The following PMS1 variants were observed in gnomAD, a reference collection of about 807,000 sequenced individuals.
The protein encoded by PMS1 is PMS1 homolog 1, mismatch repair system component.
A neutral mutation model predicts 93.1 loss-of-function variants in PMS1; 79 were observed. That is an observed-to-expected ratio of 0.85 (90% CI 0.71 to 1.02). The LOEUF is 1.02. PMS1 is among the 50% of genes least tolerant of loss of function. The probability of loss-of-function intolerance (pLI) is 0.00; values close to 1 mark genes in which losing one functional copy is unlikely to be tolerated. For synonymous variants in PMS1, 335 were observed against 363.4 expected (o/e 0.92, Z 0.89); for missense variants, 1,064 against 1,085.3 (o/e 0.98, Z 0.28).
At chr2:189,820,658 T>C (rs916042289) in intron 5 of PMS1, among the ~76,000 whole-genome samples, 1 of 152,178 alleles carries the variant, frequency 6.6e-6, no homozygotes, top group African/African-American at 2.4e-5. Context: ...TATAGTTTTT[T>C]CCCATGTTTC....
rs2054194769 is a variant in PMS1, at chr2:189,845,670, T to C, written c.699+1590T>C. ...TTCAGATATCTTTTTATAGGAATGATGGTTGGTTGCATTATTACTGGTATG... is the reference window on the plus strand; with the variant it reads ...TTCAGATATCTTTTTATAGGAATGACGGTTGGTTGCATTATTACTGGTATG... On this transcript the variant is annotated intron_variant, in intron 6 of 12. Coordinates refer to ENST00000441310, the MANE Select transcript of PMS1 (RefSeq NM_000534.5). 2.6e-5 allele frequency among the ~76,000 whole-genome samples: 4 copies of C among 152,260 alleles called. No homozygotes were observed. In the South Asian group the frequency reaches 8.3e-4, roughly 32 times the overall value.
At chr2:189,836,629 A>G (rs2053406904) in intron 5 of PMS1, among the ~76,000 whole-genome samples, 1 of 152,238 alleles carries the variant, frequency 6.6e-6, no homozygotes, top group Admixed American at 6.5e-5. Flanking sequence ...TCCTGTTTTG[A>G]AAATGAATCT....
chr2:189,843,591 G>A (rs2053995446), intron 5 of PMS1, among the ~76,000 whole-genome samples: 2 of 152,180 alleles, frequency 1.3e-5, no homozygotes, highest in Admixed American at 1.3e-4. Flanking sequence ...ATACACGGAA[G>A]TCTATGTTTT....
intron 3 of PMS1, among the ~76,000 whole-genome samples, chr2:189,803,568 C>T (rs909733093): frequency 1.3e-5 from 2 of 152,178 alleles, no homozygotes; most frequent in Admixed American, 1.3e-4. Flanking sequence ...GTTAGAGATG[C>T]TCCTGATGGT....
chr2:189,807,515 C>T (rs1265294083), intron 4 of PMS1, among the ~76,000 whole-genome samples: 2 of 152,164 alleles, frequency 1.3e-5, no homozygotes, highest in Non-Finnish European at 2.9e-5. Context: ...TTGAAGTAAT[C>T]TAGTCGCCTT....
intron 5 of PMS1, among the ~76,000 whole-genome samples, chr2:189,833,184 G>A (rs1419475299): frequency 6.6e-6 from 1 of 152,202 alleles, no homozygotes; most frequent in Non-Finnish European, 1.5e-5. Flanking sequence ...ATAGAATAGT[G>A]TTGACCTTTT....
At chr2:189,828,024 C>T (rs1017338873) in intron 5 of PMS1, among the ~76,000 whole-genome samples, 2 of 151,902 alleles carry the variant, frequency 1.3e-5, no homozygotes, top group Non-Finnish European at 2.9e-5. Context: ...CCCGGGTTCA[C>T]GCCATTCTCC....
At chr2:189,811,023 G>A (rs2050796153) in intron 4 of PMS1, among the ~76,000 whole-genome samples, 1 of 150,920 alleles carries the variant, frequency 6.6e-6, no homozygotes. Flanking sequence ...AAGAAAAGAT[G>A]GTCAAAACTG....
chr2:189,859,456 A>G (rs2055715199), intron 9 of PMS1, among the ~76,000 whole-genome samples: 1 of 152,146 alleles, frequency 6.6e-6, no homozygotes, highest in South Asian at 2.1e-4. Context: ...GTAGTTTCCA[A>G]TTCTGGGTAT....
chr2:189,795,190 A>G (rs1348833289), intron 2 of PMS1, among the ~76,000 whole-genome samples: 2 of 152,220 alleles, frequency 1.3e-5, no homozygotes, highest in Non-Finnish European at 2.9e-5. Flanking sequence ...CTGTTTGCAG[A>G]AAAAGATTTA....
intron 4 of PMS1, 99 bp downstream of exon 4, chr2:189,805,853 T>C (rs1559232646): frequency 6.4e-7 from 1 of 1,562,234 alleles, no homozygotes; most frequent in Non-Finnish European, 8.7e-7. Context: ...ATATATTGCT[T>C]TGGGCTTGGT....
At chr2:189,875,614 T>G (rs1167702429) in intron 12 of PMS1, among the ~76,000 whole-genome samples, 8 of 152,042 alleles carry the variant, frequency 5.3e-5, no homozygotes, top group African/African-American at 1.5e-4. Context: ...GGAAAGAGTA[T>G]GTTAAACATG....
chr2:189,855,045 A>G lies in PMS1; in HGVS notation c.1773A>G (p.Ile591Met), dbSNP rs954731798. The G allele has an allele frequency of 1.2e-6, 2 of 1,613,104 alleles. No individual in the cohort carries two copies. Among genetic ancestry groups the G allele is most frequent in the African/African-American group, 2.7e-5 (2 of 74,912 alleles). ...AAGATCATCGTCCTCAGTTTCTCAT[A>G]GAAAATCCTAAGACTAGTTTAGAGG... ...FVQDHRPQFL[I>M]ENPKTSLEDA... is the part of the protein sequence containing the mutation. The change falls in exon 9 of 13, where the codon ATA becomes ATG. Residue 591 changes from isoleucine (I) to methionine (M), a missense_variant. Coordinates refer to ENST00000441310, the MANE Select transcript of PMS1 (RefSeq NM_000534.5).
intron 6 of PMS1, among the ~76,000 whole-genome samples, chr2:189,850,921 G>C (rs1353277381): frequency 1.3e-5 from 2 of 152,148 alleles, no homozygotes; most frequent in Non-Finnish European, 2.9e-5. Flanking sequence ...GCGGACCATA[G>C]TTGAGAAGCA....
intron 5 of PMS1, among the ~76,000 whole-genome samples, chr2:189,827,652 G>A (rs2052556647): frequency 6.6e-6 from 1 of 152,008 alleles, no homozygotes; most frequent in Non-Finnish European, 1.5e-5. Context: ...ACAACAGAAT[G>A]CCATTTAGCC....
chr2:189,810,747 C>G lies in PMS1; in HGVS notation c.418+4993C>G, dbSNP rs1575102355. 5.3e-5 allele frequency among the ~76,000 whole-genome samples: 8 copies of G among 152,300 alleles called. 1 individual carries two copies. Among genetic ancestry groups the G allele is most frequent in the Admixed American group, 5.2e-4 (8 of 15,298 alleles). On this transcript the variant is annotated intron_variant, in intron 4 of 12. Coordinates refer to ENST00000441310, the MANE Select transcript of PMS1 (RefSeq NM_000534.5). ...TTTGAACTGGAACTAAAAGGTTCAA[C>G]TCAGATAAACTCCTAGTTAGATTGA...
intron 4 of PMS1, 41 bp downstream of exon 4, chr2:189,805,795 C>A: frequency 6.2e-7 from 1 of 1,609,376 alleles, no homozygotes; most frequent in Non-Finnish European, 8.5e-7. Flanking sequence ...TTTACCTTTT[C>A]TGTCTTAATT....
intron 3 of PMS1, among the ~76,000 whole-genome samples, chr2:189,797,829 T>C (rs1001467709): frequency 6.6e-6 from 1 of 152,218 alleles, no homozygotes; most frequent in Non-Finnish European, 1.5e-5. Context: ...CCTTCTGTTT[T>C]TGAAGTGCTG....
At chr2:189,860,259 T>A (rs577020921) in intron 9 of PMS1, among the ~76,000 whole-genome samples, 1 of 152,320 alleles carries the variant, frequency 6.6e-6, no homozygotes, top group South Asian at 2.1e-4. Context: ...AGCCACTCTT[T>A]TGAGTTTTGT....
Sources: gnomAD v4.1 joint callset for allele counts (sites outside exome capture counted in the v4.1 genomes callset) on GRCh38, gnomAD v4.1.1 for gene constraint, MANE v1.5 for transcripts, NCBI Gene and HGNC (gene_info 2026-07-23, HGNC 2026-07-21) for gene names.